Variants in USH1C observed in about 807,000 individuals in gnomAD.
USH1C encodes harmonin.
Under a neutral mutation model 119.3 loss-of-function variants are expected in USH1C, and 90 were observed. The observed-to-expected ratio is 0.75, with a 90% CI of 0.64 to 0.90. The LOEUF (loss-of-function observed/expected upper bound fraction) is 0.90, where lower values mean the gene tolerates loss of function less well. Ranked by LOEUF, USH1C falls within the 40% of genes least tolerant of loss-of-function variation. The probability of loss-of-function intolerance (pLI) is 0.00; values close to 1 mark genes in which losing one functional copy is unlikely to be tolerated. For missense variants in USH1C, 1,165 were observed against 1,167.7 expected (o/e 1.00, Z 0.03); for synonymous variants, 465 against 443.3 (o/e 1.05, Z -0.62).
intron 24 of USH1C, among the ~76,000 whole-genome samples, chr11:17,497,353 C>A (rs1591954911): frequency 6.6e-6 from 1 of 152,080 alleles, no homozygotes; most frequent in Non-Finnish European, 1.5e-5. Context: ...ATCACTGGGC[C>A]CCTCTACCAT....
At chr11:17,520,327 T>C (rs995280917) in intron 14 of USH1C, among the ~76,000 whole-genome samples, 5 of 152,118 alleles carry the variant, frequency 3.3e-5, no homozygotes, top group Non-Finnish European at 7.4e-5. Context: ...TAGCTGGGTG[T>C]CTGGGAGAGG....
Position 17,494,062 on chromosome 11 carries a change from A to G in USH1C, c.*270T>C, listed in dbSNP as rs1849156988. 3 of 526,690 alleles carry G rather than the reference A, an allele frequency of 5.7e-6. No individual in the cohort carries two copies. The South Asian group carries it at 6.2e-5, about 11-fold the overall frequency. The allele number at this position is 526,690 out of a possible 1,614,324, so 32.6% of individuals were successfully genotyped here. A position where few individuals can be genotyped will look rare whatever the true frequency, so the allele number is the denominator to read the frequency against. The stretch of plus-strand genomic sequence containing the variant: ...GAGTCCCCCAGAGCTGGGAGAGACC[A>G]AATTCACTGGGCCAGAGGAAAGGAA... On this transcript the variant is annotated 3_prime_UTR_variant, in exon 27 of 27. Coordinates refer to ENST00000005226, the MANE Select transcript of USH1C (RefSeq NM_153676.4).
rs562848314 is a variant in USH1C at position 17,521,919 on chromosome 11, C to T, written c.1020-508G>A. Among the ~76,000 whole-genome samples the T allele has an allele frequency of 4.6e-5, 7 of 152,314 alleles. No homozygotes were observed. The South Asian group carries it at 1.5e-3, about 32-fold the overall frequency. ...TATCAGCTCACTGCAACCTCTGCCT[C>T]CCAGGTTCAAGTGATTCTCATGTCT... On this transcript the variant is annotated intron_variant, in intron 12 of 26. Coordinates refer to ENST00000005226, the MANE Select transcript of USH1C (RefSeq NM_153676.4).
At chr11:17,500,461 T>C (rs893905753) in intron 23 of USH1C, among the ~76,000 whole-genome samples, 3 of 152,198 alleles carry the variant, frequency 2.0e-5, no homozygotes, top group African/African-American at 7.2e-5. Flanking sequence ...TTAATATCCA[T>C]GAAACGCTCA....
intron 17 of USH1C, 66 bp from the exon 18 acceptor site, chr11:17,509,904 G>A (rs994123816): frequency 2.6e-5 from 39 of 1,521,726 alleles, no homozygotes; most frequent in South Asian, 1.5e-4. Flanking sequence ...ACAATACAGC[G>A]AGCACTATGC....
chr11:17,523,295 A>G (rs1850503371), intron 10 of USH1C, 28 bp from the exon 11 acceptor site: 1 of 1,614,020 alleles, frequency 6.2e-7, no homozygotes, highest in Non-Finnish European at 8.5e-7. Flanking sequence ...CAGTGGGCCG[A>G]GGCCTGACAG....
intron 11 of USH1C, 78 bp from the exon 12 acceptor site, chr11:17,523,004 T>G: frequency 6.3e-7 from 1 of 1,597,534 alleles, no homozygotes; most frequent in Non-Finnish European, 8.5e-7. Flanking sequence ...GGGGCCGAGA[T>G]GCAGGTGGTC....
In USH1C at chr11:17,531,029, C is replaced by T; in HGVS notation, c.387+125G>A. 1 of 1,482,496 alleles carries T rather than the reference C, an allele frequency of 6.7e-7. No individual in the cohort carries two copies. The highest frequency in any genetic ancestry group is 9.2e-7 in the Non-Finnish European group (1 of 1,086,378). The allele number at this position is 1,482,496 out of a possible 1,614,324, so 91.8% of individuals were successfully genotyped here. A position where few individuals can be genotyped will look rare whatever the true frequency, so the allele number is the denominator to read the frequency against. On this transcript the variant is annotated intron_variant, in intron 4 of 26. Coordinates refer to ENST00000005226, the MANE Select transcript of USH1C (RefSeq NM_153676.4). This position sits in a 1 kb window ranked among gnomAD's most constrained non-coding sequence, Gnocchi z 4.2. ...AACACCCATCAGGATGCGCCAGCCT[C>T]TTCTTCACCCGAAGGCTCAGAAAAG... is the stretch of plus-strand genomic sequence containing the variant.
chr11:17,516,122 T>C (rs1850132837), intron 15 of USH1C, 119 bp downstream of exon 15: 3 of 1,155,514 alleles, frequency 2.6e-6, no homozygotes, highest in Non-Finnish European at 3.8e-6. Context: ...GAGTTAGCCT[T>C]CCAAGTGAAC....
At chr11:17,528,879 C>T (rs1035497642) in intron 4 of USH1C, among the ~76,000 whole-genome samples, 2 of 152,254 alleles carry the variant, frequency 1.3e-5, no homozygotes, top group Non-Finnish European at 2.9e-5. Flanking sequence ...CTAACTCCTT[C>T]CACCTATTTT....
intron 1 of USH1C, among the ~76,000 whole-genome samples, chr11:17,539,308 C>T (rs1851357624): frequency 6.6e-6 from 1 of 152,150 alleles, no homozygotes; most frequent in African/African-American, 2.4e-5. Context: ...CTGTGTGTGG[C>T]CCAGACACAG....
chr11:17,495,773 G>A (rs957025838), intron 25 of USH1C, 96 bp from the exon 26 acceptor site: 50 of 1,338,826 alleles, frequency 3.7e-5, no homozygotes, highest in East Asian at 2.3e-4. Flanking sequence ...CTCCTGCCTC[G>A]GGTTCTGCCT....
At chr11:17,537,798 C>T (rs1851289421) in intron 1 of USH1C, among the ~76,000 whole-genome samples, 3 of 152,210 alleles carry the variant, frequency 2.0e-5, no homozygotes, top group African/African-American at 7.2e-5. Context: ...TGACTGTCCA[C>T]TGCCTGAGGA....
chr11:17,494,110 C>T lies in USH1C; in HGVS notation c.*222G>A, dbSNP rs1849158045. 5.0e-6 allele frequency: 3 copies of T among 597,666 alleles called. No individual in the cohort carries two copies. In the East Asian group the frequency reaches 8.7e-5, roughly 17 times the overall value. The allele number at this position is 597,666 out of a possible 1,614,324, so 37.0% of individuals were successfully genotyped here. The stretch of plus-strand genomic sequence containing the variant: ...GAATGAGAGTCTGGATCCTTGAGAT[C>T]TTCTCCCAAATGGCTGGCTGCTCCC... On this transcript the variant is annotated 3_prime_UTR_variant, in exon 27 of 27. Coordinates refer to ENST00000005226, the MANE Select transcript of USH1C (RefSeq NM_153676.4).
At chr11:17,537,099 T>C (rs1256087553) in intron 1 of USH1C, among the ~76,000 whole-genome samples, 2 of 152,244 alleles carry the variant, frequency 1.3e-5, no homozygotes, top group Non-Finnish European at 2.9e-5. Flanking sequence ...CTGAGAAAGA[T>C]GGAAGTTTCT....
chr11:17,508,033 T>C (rs1030089850), intron 18 of USH1C, among the ~76,000 whole-genome samples: 5 of 152,074 alleles, frequency 3.3e-5, no homozygotes, highest in Non-Finnish European at 7.4e-5. Context: ...TCTTCAGCAC[T>C]GCTCCCCTCT....
chr11:17,499,045 A>G (rs1413120184), intron 23 of USH1C, among the ~76,000 whole-genome samples: 2 of 152,258 alleles, frequency 1.3e-5, no homozygotes, highest in African/African-American at 4.8e-5. Flanking sequence ...AAGCTGAGTT[A>G]TAAGCTGAAC....
intron 20 of USH1C, among the ~76,000 whole-genome samples, chr11:17,502,375 C>G (rs927153392): frequency 6.6e-6 from 1 of 152,208 alleles, no homozygotes; most frequent in African/African-American, 2.4e-5. Flanking sequence ...AGGCCCAGGC[C>G]CTGGGGGATG....
In USH1C at chr11:17,531,615, A is replaced by C. The variant is rs1850990777; in HGVS notation, c.105-73T>G. ...TCAGGCACCCAGGGATTCCAAGAGG[A>C]AGCCATTTCAGCCACTGGGCCCAGG... On this transcript the variant is annotated intron_variant, in intron 2 of 26. Coordinates refer to ENST00000005226, the MANE Select transcript of USH1C (RefSeq NM_153676.4). This position sits in a 1 kb window ranked among gnomAD's most constrained non-coding sequence, Gnocchi z 4.2. The C allele has an allele frequency of 1.3e-6, 2 of 1,586,282 alleles. No homozygotes were observed. The highest frequency in any genetic ancestry group is 8.5e-7 in the Non-Finnish European group (1 of 1,169,634).
Sources: allele counts gnomAD v4.1 joint callset (sites outside exome capture counted in the v4.1 genomes callset), GRCh38; gene constraint gnomAD v4.1.1; non-coding constraint Gnocchi (gnomAD v3.1); transcripts MANE v1.5; gene names NCBI Gene and HGNC (gene_info 2026-07-23, HGNC 2026-07-21).